Variants in BICD1 observed in about 807,000 individuals in gnomAD.
BICD1 encodes BICD cargo adaptor 1, also known as protein bicaudal D homolog 1.
In BICD1, 35 loss-of-function variants were observed where a neutral mutation model predicts 92.5. The ratio of observed to expected loss-of-function variants is 0.38; its 90% CI spans 0.29 to 0.50. The LOEUF is 0.50. BICD1 is among the 20% of genes least tolerant of loss of function. The pLI, the probability that BICD1 is intolerant of heterozygous loss-of-function variation, is 0.93. For missense variants in BICD1, 950 were observed against 1,189.8 expected, an observed-to-expected ratio of 0.80 and a Z score of 2.97; for synonymous variants, 429 against 465.1, an observed-to-expected ratio of 0.92 and a Z score of 1.00.
chr12:32,264,738 C>A (rs1946945126), intron 2 of BICD1, among the ~76,000 whole-genome samples: 1 of 152,190 alleles, frequency 6.6e-6, no homozygotes, highest in Non-Finnish European at 1.5e-5. Flanking sequence ...ATCCACCTAC[C>A]TTGGCCTCCC....
intron 1 of BICD1, among the ~76,000 whole-genome samples, chr12:32,157,450 A>G (rs562976133): frequency 1.3e-5 from 2 of 152,192 alleles, no homozygotes; most frequent in Non-Finnish European, 2.9e-5. Flanking sequence ...TGTATTAACA[A>G]ATTTTCAGAC....
chr12:32,176,592 A>G (rs768889456), intron 1 of BICD1, among the ~76,000 whole-genome samples: 5 of 152,222 alleles, frequency 3.3e-5, no homozygotes, highest in Admixed American at 6.5e-5. Flanking sequence ...CTATCATTCT[A>G]TCATACTGTT....
rs1938032313 is a variant in BICD1, at chr12:32,334,781, A to T, written c.2252+114A>T. 11 of 1,158,856 alleles carry T rather than the reference A, an allele frequency of 9.5e-6. No homozygotes were observed. In the South Asian group the frequency reaches 2.3e-4, roughly 24 times the overall value. 71.8% of individuals were successfully genotyped at this position (1,158,856 alleles called of 1,614,324 possible). On this transcript the variant is annotated intron_variant, in intron 6 of 9. Coordinates refer to ENST00000652176, the MANE Select transcript of BICD1 (RefSeq NM_001714.4). Reference sequence around the variant, plus strand: ...ATTCGGTGAGTAGTCTAGGATGGCTAAGTGTGAAGAAAATCTGTGGAAGTC... The same window carrying T: ...ATTCGGTGAGTAGTCTAGGATGGCTTAGTGTGAAGAAAATCTGTGGAAGTC...
chr12:32,340,209 A>G (rs1471973332), intron 8 of BICD1: 1 of 985,336 alleles, frequency 1.0e-6, no homozygotes, highest in African/African-American at 1.7e-5. Context: ...GATGTGGTGT[A>G]GAAACTGATA....
chr12:32,242,954 C>T (rs1273977661), intron 2 of BICD1, among the ~76,000 whole-genome samples: 1 of 152,132 alleles, frequency 6.6e-6, no homozygotes, highest in Non-Finnish European at 1.5e-5. Flanking sequence ...CAATTCCTAA[C>T]TCAAGGGTCT....
chr12:32,344,019 A>C (rs2136290950), intron 8 of BICD1, among the ~76,000 whole-genome samples: 1 of 152,368 alleles, frequency 6.6e-6, no homozygotes, highest in South Asian at 2.1e-4. Context: ...AATTTAGTGA[A>C]TATCTGCTAT....
chr12:32,269,196 T>C (rs1050997332), intron 2 of BICD1, among the ~76,000 whole-genome samples: 2 of 152,176 alleles, frequency 1.3e-5, no homozygotes, highest in Non-Finnish European at 2.9e-5. Context: ...TAAATAGTAG[T>C]ATATATTAAT....
intron 4 of BICD1, among the ~76,000 whole-genome samples, chr12:32,316,524 C>T (rs1330511829): frequency 6.6e-6 from 1 of 151,128 alleles, no homozygotes; most frequent in Non-Finnish European, 1.5e-5. Flanking sequence ...TGGTCTCAAA[C>T]TCCTGACCTC....
Position 32,381,654 on chromosome 12 carries a change from C to T in BICD1, c.*4027C>T, listed in dbSNP as rs1344141592. On this transcript the variant is annotated 3_prime_UTR_variant, in exon 10 of 10. Coordinates refer to ENST00000652176, the MANE Select transcript of BICD1 (RefSeq NM_001714.4). Reference sequence around the variant, plus strand: ...GTCATAATCAATCAGCCAAAAGTTACAATCTGTCCCTCAGAGACATTGGGG... The same window carrying T: ...GTCATAATCAATCAGCCAAAAGTTATAATCTGTCCCTCAGAGACATTGGGG... The T allele has an allele frequency of 6.6e-6, 1 of 152,078 alleles. No homozygotes were observed. Among genetic ancestry groups the T allele is most frequent in the Non-Finnish European group, 1.5e-5 (1 of 67,962 alleles). 9.4% of individuals were successfully genotyped at this position (152,078 alleles called of 1,614,324 possible).
chr12:32,279,123 A>ATAT (rs1319802560), intron 2 of BICD1, among the ~76,000 whole-genome samples: 2 of 152,212 alleles, frequency 1.3e-5, no homozygotes, highest in African/African-American at 4.8e-5. Context: ...AAAGGACCAC[A>ATAT]TATTCTATGA....
At chr12:32,199,971 A>G (rs554440346) in intron 1 of BICD1, among the ~76,000 whole-genome samples, 18 of 152,284 alleles carry the variant, frequency 1.2e-4, no homozygotes, top group African/African-American at 3.8e-4. Context: ...CAGCCTTTGT[A>G]TAAGGGCACT....
At position 32,356,381 on chromosome 12, in the gene BICD1, G is replaced by A. The variant is rs188723770; in HGVS notation, c.2765-11289G>A. 1.9e-3 allele frequency among the ~76,000 whole-genome samples: 296 copies of A among 152,300 alleles called. 3 individuals are homozygous for A. Among genetic ancestry groups the A allele is most frequent in the African/African-American group, 6.7e-3 (277 of 41,568 alleles). On this transcript the variant is annotated intron_variant, in intron 8 of 9. Coordinates refer to ENST00000652176, the MANE Select transcript of BICD1 (RefSeq NM_001714.4). ...TAGAGAATAAAGAGGGCCAGGCGCG[G>A]TGGCTCATGCCTGTAATCCCAGCGC...
At chr12:32,108,440 T>A in intron 1 of BICD1, 1 of 432,802 alleles carries the variant, frequency 2.3e-6, no homozygotes, top group South Asian at 3.8e-5. Context: ...CTTAAGAACA[T>A]ACATATTGTT....
chr12:32,275,917 T>C (rs1947262692), intron 2 of BICD1, among the ~76,000 whole-genome samples: 1 of 152,056 alleles, frequency 6.6e-6, no homozygotes, highest in Admixed American at 6.6e-5. Flanking sequence ...CAAGATTCCA[T>C]TCCTTGGAAT....
intron 4 of BICD1, among the ~76,000 whole-genome samples, chr12:32,307,298 T>G (rs1948255559): frequency 6.6e-6 from 1 of 152,224 alleles, no homozygotes; most frequent in South Asian, 2.1e-4. Flanking sequence ...TATTGCAACA[T>G]GAGTTAAACC....
chr12:32,241,830 AT>A (rs528873463), intron 2 of BICD1, among the ~76,000 whole-genome samples: 8 of 151,674 alleles, frequency 5.3e-5, no homozygotes, highest in Non-Finnish European at 2.9e-5. Context: ...AGGCACCTGA[AT>A]TTTTTTTTAA....
rs1471838206 is a variant in BICD1, at chr12:32,380,662, G to A, written c.*3035G>A. On this transcript the variant is annotated 3_prime_UTR_variant, in exon 10 of 10. Transcript: ENST00000652176. ...AAAGGAGCTTGGCTTAATCTTTCTG[G>A]TCCACACATAATCCATTAGATCCCA... The A allele has an allele frequency of 2.0e-5, 3 of 152,058 alleles. No individual in the cohort carries two copies. Among genetic ancestry groups the A allele is most frequent in the Non-Finnish European group, 2.9e-5 (2 of 67,984 alleles). The allele number at this position is 152,058 out of a possible 1,614,324, so 9.4% of individuals were successfully genotyped here.
At chr12:32,233,167 C>A (rs550448208) in intron 2 of BICD1, among the ~76,000 whole-genome samples, 2 of 151,870 alleles carry the variant, frequency 1.3e-5, no homozygotes, top group Non-Finnish European at 2.9e-5. Context: ...ACTAAAAATA[C>A]AAAAGTTATG....
At chr12:32,149,054 G>A (rs1430263985) in intron 1 of BICD1, among the ~76,000 whole-genome samples, 6 of 151,046 alleles carry the variant, frequency 4.0e-5, no homozygotes, top group Non-Finnish European at 8.8e-5. Context: ...TTGTAAAAAT[G>A]TGACATAGGC....
Sources: allele counts gnomAD v4.1 joint callset (sites outside exome capture counted in the v4.1 genomes callset), GRCh38; gene constraint gnomAD v4.1.1; transcripts MANE v1.5; gene names NCBI Gene and HGNC (gene_info 2026-07-23, HGNC 2026-07-21).